RASAL2: variants seen among roughly 807,000 people sequenced by gnomAD.
RASAL2 encodes ras GTPase-activating protein nGAP.
Under a neutral mutation model 128.9 loss-of-function variants are expected in RASAL2, and 58 were observed. That is an observed-to-expected ratio of 0.45 (90% confidence interval 0.36 to 0.56). RASAL2 has a LOEUF of 0.56. Among genes scored for constraint, RASAL2 ranks in the 20% least tolerant of loss-of-function variants. RASAL2 has a pLI of 0.00. For missense variants in RASAL2, 1,360 were observed against 1,601.6 expected (o/e 0.85, Z 2.57); for synonymous variants, 561 against 580.8 (o/e 0.97, Z 0.49).
intron 1 of RASAL2, among the ~76,000 whole-genome samples, chr1:178,163,929 G>A (rs967235416): frequency 4.0e-5 from 6 of 151,842 alleles, no homozygotes; most frequent in Non-Finnish European, 5.9e-5. Flanking sequence ...ATTTATTTAC[G>A]TTTTTCTTAC....
At chr1:178,379,387 G>C (rs1310542379) in intron 3 of RASAL2, among the ~76,000 whole-genome samples, 1 of 146,878 alleles carries the variant, frequency 6.8e-6, no homozygotes, top group Non-Finnish European at 1.5e-5. Context: ...GAGAGAGAGA[G>C]ACAGAGAGAA....
intron 3 of RASAL2, among the ~76,000 whole-genome samples, chr1:178,320,718 G>C: frequency 6.6e-6 from 1 of 152,172 alleles, no homozygotes; most frequent in East Asian, 1.9e-4. Flanking sequence ...GATGAACCCG[G>C]TACCTCAGAT....
intron 3 of RASAL2, among the ~76,000 whole-genome samples, chr1:178,367,585 T>C (rs891551336): frequency 4.9e-4 from 75 of 152,166 alleles, no homozygotes; most frequent in Non-Finnish European, 9.1e-4. Context: ...TTAGCACTGA[T>C]ATTGTTGAAT....
intron 3 of RASAL2, chr1:178,341,689 G>A (rs1669890986): frequency 1.9e-6 from 3 of 1,584,420 alleles, no homozygotes; most frequent in Admixed American, 1.7e-5. Flanking sequence ...TTACACAAAT[G>A]CAGTGACTAT....
chr1:178,334,436 T>G (rs1000136037), intron 3 of RASAL2, among the ~76,000 whole-genome samples: 2 of 152,002 alleles, frequency 1.3e-5, no homozygotes. Context: ...CCTCCTGGGT[T>G]CAAGCCATTC....
intron 1 of RASAL2, among the ~76,000 whole-genome samples, chr1:178,221,668 G>A (rs1039972725): frequency 6.6e-6 from 1 of 152,156 alleles, no homozygotes; most frequent in Non-Finnish European, 1.5e-5. Flanking sequence ...TGTGTTTTAT[G>A]ACCTAGAATG....
At chr1:178,257,032 A>G (rs1335584424) in intron 1 of RASAL2, among the ~76,000 whole-genome samples, 1 of 151,612 alleles carries the variant, frequency 6.6e-6, no homozygotes, top group Non-Finnish European at 1.5e-5. Flanking sequence ...AATTTTATTC[A>G]TAAAACATCA....
intron 1 of RASAL2, among the ~76,000 whole-genome samples, chr1:178,122,469 C>G (rs1190657672): frequency 6.6e-6 from 1 of 152,068 alleles, no homozygotes; most frequent in African/African-American, 2.4e-5. Context: ...TTGAGGTGTT[C>G]AGACTATAGT....
At chr1:178,198,220 G>A (rs1187262711) in intron 1 of RASAL2, among the ~76,000 whole-genome samples, 4 of 152,182 alleles carry the variant, frequency 2.6e-5, no homozygotes, top group African/African-American at 7.2e-5. Flanking sequence ...TATATACCCA[G>A]TAATGGGATC....
chr1:178,435,857 T>G (rs1443197275), intron 5 of RASAL2, among the ~76,000 whole-genome samples: 1 of 152,010 alleles, frequency 6.6e-6, no homozygotes, highest in African/African-American at 2.4e-5. Context: ...AGTCAAGGGA[T>G]TCACAAAGTC....
chr1:178,341,451 A>G (rs1208045972), intron 3 of RASAL2: 51 of 1,482,174 alleles, frequency 3.4e-5, no homozygotes, highest in Non-Finnish European at 4.5e-5. Flanking sequence ...GCTTTTCTGC[A>G]TTCCAAACTG....
At chr1:178,127,205 AT>A (rs1320143828) in intron 1 of RASAL2, among the ~76,000 whole-genome samples, 2 of 152,266 alleles carry the variant, frequency 1.3e-5, no homozygotes, top group Non-Finnish European at 2.9e-5. Context: ...TTTAAGTAGC[AT>A]TCCTTCTAAT....
chr1:178,241,399 G>A (rs1353629316), intron 1 of RASAL2, among the ~76,000 whole-genome samples: 1 of 152,130 alleles, frequency 6.6e-6, no homozygotes. Flanking sequence ...AGTATATTGT[G>A]GAGAAAGTAA....
At chr1:178,274,370 A>G (rs1286202721) in intron 1 of RASAL2, among the ~76,000 whole-genome samples, 1 of 152,170 alleles carries the variant, frequency 6.6e-6, no homozygotes, top group Admixed American at 6.5e-5. Flanking sequence ...GATCCAATTC[A>G]AAAAGAGGCA....
At chr1:178,438,699 A>G (rs908365640) in intron 5 of RASAL2, among the ~76,000 whole-genome samples, 3 of 151,970 alleles carry the variant, frequency 2.0e-5, no homozygotes, top group Non-Finnish European at 4.4e-5. Context: ...TCTCTTCTAG[A>G]TGAGAGTTTG....
chr1:178,234,951 T>C (rs781129908), intron 1 of RASAL2, among the ~76,000 whole-genome samples: 1 of 152,238 alleles, frequency 6.6e-6, no homozygotes, highest in Non-Finnish European at 1.5e-5. Flanking sequence ...AAGTATTTTC[T>C]ATAAACCCTG....
At chr1:178,311,021 G>A (rs866188243) in intron 3 of RASAL2, among the ~76,000 whole-genome samples, 1 of 152,050 alleles carries the variant, frequency 6.6e-6, no homozygotes, top group Middle Eastern at 3.2e-3. Context: ...CAGCCCTAAG[G>A]CCAAGTTCTT....
At chr1:178,341,530 A>G in intron 3 of RASAL2, 1 of 1,612,472 alleles carries the variant, frequency 6.2e-7, no homozygotes, top group Non-Finnish European at 8.5e-7. Context: ...ACAGTATACA[A>G]AGTGTTTTGA....
At chr1:178,210,907 C>G (rs1663230628) in intron 1 of RASAL2, among the ~76,000 whole-genome samples, 1 of 152,118 alleles carries the variant, frequency 6.6e-6, no homozygotes, top group African/African-American at 2.4e-5. Flanking sequence ...TGATGAACTA[C>G]CTAGAAGACT....
Sources: allele counts gnomAD v4.1 joint callset (sites outside exome capture counted in the v4.1 genomes callset), GRCh38; gene constraint gnomAD v4.1.1; transcripts MANE v1.5; gene names NCBI Gene and HGNC (gene_info 2026-07-23, HGNC 2026-07-21).